The following ZNF146 variants were observed in gnomAD, a reference collection of about 807,000 sequenced individuals.
ZNF146 encodes the protein zinc finger protein OZF.
A neutral mutation model predicts 22.2 loss-of-function variants in ZNF146; 9 were observed. The ratio of observed to expected loss-of-function variants is 0.41; its 90% CI spans 0.24 to 0.71. ZNF146 has a LOEUF of 0.71. Ranked by LOEUF, ZNF146 falls within the 30% of genes least tolerant of loss-of-function variation. The pLI is 0.34. For missense variants in ZNF146, 194 were observed against 344.8 expected, an observed-to-expected ratio of 0.56 and a Z score of 3.46; for synonymous variants, 108 against 119.2, an observed-to-expected ratio of 0.91 and a Z score of 0.61.
rs1165146210 is a variant in ZNF146, at chr19:36,238,708, A to T, written c.*1389A>T. ...AATTTTATCACGGATGAATGGATGG[A>T]CTTGCTCTCTATGTAATATGAAATT... On this transcript the variant is annotated 3_prime_UTR_variant, in exon 4 of 4. Transcript: ENST00000443387. 2 of 167,108 alleles carry T rather than the reference A, an allele frequency of 1.2e-5. No individual in the cohort carries two copies. The highest frequency in any genetic ancestry group is 4.8e-5 in the African/African-American group (2 of 41,450). 10.4% of individuals were successfully genotyped at this position (167,108 alleles called of 1,614,324 possible). A position where few individuals can be genotyped will look rare whatever the true frequency, so the allele number is the denominator to read the frequency against.
intron 1 of ZNF146, among the ~76,000 whole-genome samples, chr19:36,215,830 G>C (rs2432039): frequency 0.37 from 56,821 of 151,920 alleles, 10,830 homozygotes; most frequent in South Asian, 0.49. Context: ...CGGCGCCCAG[G>C]ATGAGGGAGT....
At chr19:36,220,855 CTT>C (rs61343359) in intron 2 of ZNF146, among the ~76,000 whole-genome samples, 60 of 142,248 alleles carry the variant, frequency 4.2e-4, no homozygotes, top group Middle Eastern at 3.7e-3. Flanking sequence ...TAAAATGCAT[CTT>C]TTTTTTTTTT....
At chr19:36,216,866 GA>G (rs1568427494) in intron 1 of ZNF146, among the ~76,000 whole-genome samples, 1 of 150,768 alleles carries the variant, frequency 6.6e-6, no homozygotes, top group Non-Finnish European at 1.5e-5. Flanking sequence ...TCACACCTGT[GA>G]GCCAAGGCAG....
chr19:36,215,349 C>G (rs899777288), intron 1 of ZNF146, among the ~76,000 whole-genome samples, 153 bp downstream of exon 1: 1 of 151,964 alleles, frequency 6.6e-6, no homozygotes, highest in South Asian at 2.1e-4. Flanking sequence ...CGGGTTTGAG[C>G]GAGTGTGACC....
At position 36,238,100 on chromosome 19, in the gene ZNF146, A is replaced by G. The variant is rs576452010; in HGVS notation, c.*781A>G. 2 of 167,242 alleles carry G rather than the reference A, an allele frequency of 1.2e-5. No homozygotes were observed. Among genetic ancestry groups the G allele is most frequent in the South Asian group, 4.1e-4 (2 of 4,826 alleles). The allele number at this position is 167,242 out of a possible 1,614,324, so 10.4% of individuals were successfully genotyped here. ...AAATTAGAAACAACTGAGAAAGCCC[A>G]TCACGAACAATATGGGAAATTCTTA... On this transcript the variant is annotated 3_prime_UTR_variant, in exon 4 of 4. Coordinates refer to ENST00000443387, the MANE Select transcript of ZNF146 (RefSeq NM_007145.3).
intron 3 of ZNF146, among the ~76,000 whole-genome samples, chr19:36,234,436 T>C (rs1977555684): frequency 6.6e-6 from 1 of 152,234 alleles, no homozygotes; most frequent in Non-Finnish European, 1.5e-5. Context: ...TGTCCTAATA[T>C]TAGACTACCC....
At chr19:36,225,473 T>TA (rs1977024720) in intron 2 of ZNF146, among the ~76,000 whole-genome samples, 1 of 152,148 alleles carries the variant, frequency 6.6e-6, no homozygotes. Context: ...TTCATTTTGT[T>TA]ATGTTTCAGT....
At chr19:36,225,161 A>G (rs1977013591) in intron 2 of ZNF146, among the ~76,000 whole-genome samples, 1 of 152,192 alleles carries the variant, frequency 6.6e-6, no homozygotes, top group Admixed American at 6.5e-5. Flanking sequence ...ATATAAATAT[A>G]GATTACCCAT....
At chr19:36,230,557 G>A (rs1977288353) in intron 3 of ZNF146, among the ~76,000 whole-genome samples, 1 of 152,170 alleles carries the variant, frequency 6.6e-6, no homozygotes, top group South Asian at 2.1e-4. Context: ...GATCTGAAGA[G>A]TGCGAGAGTG....
chr19:36,227,959 G>A (rs927899555), intron 2 of ZNF146, among the ~76,000 whole-genome samples: 1 of 151,992 alleles, frequency 6.6e-6, no homozygotes, highest in African/African-American at 2.4e-5. Context: ...TCAGGAGTTC[G>A]AGACCAGCCT....
intron 2 of ZNF146, among the ~76,000 whole-genome samples, chr19:36,225,752 C>CTTTTTT (rs67760026): frequency 1.5e-5 from 1 of 66,726 alleles, no homozygotes; most frequent in Non-Finnish European, 2.8e-5. Context: ...CTTTGTGATT[C>CTTTTTT]TTTTTTTTTT....
intron 3 of ZNF146, among the ~76,000 whole-genome samples, chr19:36,235,408 A>G (rs1568437025): frequency 6.6e-6 from 1 of 152,144 alleles, no homozygotes; most frequent in Non-Finnish European, 1.5e-5. Flanking sequence ...TTTTCTACCT[A>G]GATCACCTCA....
Position 36,237,232 on chromosome 19 carries a change from TAAG to T in ZNF146, c.796_798del (p.Lys266del). The T allele has an allele frequency of 6.2e-7, 1 of 1,614,030 alleles. No homozygotes were observed. The highest frequency in any genetic ancestry group is 8.5e-7 in the Non-Finnish European group (1 of 1,179,966). On this transcript the variant is annotated inframe_deletion, in exon 4 of 4. Coordinates refer to ENST00000443387, the MANE Select transcript of ZNF146 (RefSeq NM_007145.3). The stretch of plus-strand genomic sequence containing the variant: ...CTCTGCATTTGAGAATACACACAGG[TAAG>T]AAGCCTTATCAGTGCAGTGAATGTG...
At chr19:36,217,310 G>A (rs1376154068) in intron 1 of ZNF146, among the ~76,000 whole-genome samples, 1 of 151,568 alleles carries the variant, frequency 6.6e-6, no homozygotes, top group Non-Finnish European at 1.5e-5. Flanking sequence ...TGATCGGCCC[G>A]CCTCGGCTTC....
intron 1 of ZNF146, among the ~76,000 whole-genome samples, chr19:36,216,452 C>T (rs1976608579): frequency 1.3e-5 from 2 of 151,866 alleles, no homozygotes; most frequent in African/African-American, 2.4e-5. Flanking sequence ...AGGAGCCTGG[C>T]CAACATGGTG....
rs1405502716 is a variant in ZNF146, at chr19:36,238,453, T to C, written c.*1134T>C. 1 of 167,046 alleles carries C rather than the reference T, an allele frequency of 6.0e-6. No individual in the cohort carries two copies. Among genetic ancestry groups the C allele is most frequent in the Admixed American group, 6.5e-5 (1 of 15,278 alleles). The allele number at this position is 167,046 out of a possible 1,614,324, so 10.3% of individuals were successfully genotyped here. ...TTAAAGGGGACTTCAGCTTTTTATA[T>C]AAACATCCACTTCTCTTTCAAAAGA... On this transcript the variant is annotated 3_prime_UTR_variant, in exon 4 of 4. Transcript: ENST00000443387.
At position 36,237,101 on chromosome 19, in the gene ZNF146, TTC is replaced by T; in HGVS notation, c.666_667del (p.Gln223GlufsTer20). 6.2e-7 allele frequency: 1 copy of T among 1,614,168 alleles called. No homozygotes were observed. The highest frequency in any genetic ancestry group is 8.5e-7 in the Non-Finnish European group (1 of 1,180,036). On this transcript the variant is annotated frameshift_variant, in exon 4 of 4. Transcript: ENST00000443387. LOFTEE classifies it high-confidence loss of function. The stretch of plus-strand genomic sequence containing the variant: ...CGAATGCAATGTTTGTGGAAAAGCC[TTC>T]TCTCAGAGCTCATCTCTCACTGTGC... ...PYECNVCGKA[F>X]SQSSSLTVHV...
chr19:36,234,040 A>G (rs1224112352), intron 3 of ZNF146, among the ~76,000 whole-genome samples: 2 of 152,092 alleles, frequency 1.3e-5, no homozygotes, highest in African/African-American at 4.8e-5. Flanking sequence ...GGCCTTCTGT[A>G]GTGTGTTGTG....
intron 2 of ZNF146, among the ~76,000 whole-genome samples, chr19:36,218,673 G>A (rs1163748095): frequency 1.3e-5 from 2 of 152,024 alleles, no homozygotes; most frequent in Non-Finnish European, 1.5e-5. Flanking sequence ...GTTTCACCGC[G>A]TTAGCCAGGA....
Sources: allele counts gnomAD v4.1 joint callset (sites outside exome capture counted in the v4.1 genomes callset), GRCh38; gene constraint gnomAD v4.1.1; transcripts MANE v1.5; gene names NCBI Gene and HGNC (gene_info 2026-07-23, HGNC 2026-07-21).